GALNTL6: variants seen among roughly 807,000 people sequenced by gnomAD.
The protein encoded by GALNTL6 is polypeptide N-acetylgalactosaminyltransferase-like 6.
A neutral mutation model predicts 73.7 loss-of-function variants in GALNTL6; 46 were observed. The observed-to-expected ratio is 0.62, with a 90% CI of 0.49 to 0.80. The LOEUF (loss-of-function observed/expected upper bound fraction) is 0.80, where lower values mean the gene tolerates loss of function less well. GALNTL6 is among the 30% of genes least tolerant of loss of function. GALNTL6 has a pLI of 0.00. For missense variants in GALNTL6, 604 were observed against 755.0 expected (o/e 0.80, Z 2.34); for synonymous variants, 259 against 263.7 (o/e 0.98, Z 0.17).
At chr4:171,955,039 G>A (rs1739001487) in intron 2 of GALNTL6, among the ~76,000 whole-genome samples, 1 of 152,122 alleles carries the variant, frequency 6.6e-6, no homozygotes. Flanking sequence ...CTTTACAGCA[G>A]TGTGAGAATG....
At chr4:172,821,600 C>T (rs756238151) in intron 7 of GALNTL6, among the ~76,000 whole-genome samples, 3 of 152,154 alleles carry the variant, frequency 2.0e-5, no homozygotes, top group Non-Finnish European at 4.4e-5. Context: ...GAAATGTCAA[C>T]AATGCCAGCT....
At chr4:172,749,668 T>A (rs1737317280) in intron 5 of GALNTL6, among the ~76,000 whole-genome samples, 1 of 151,960 alleles carries the variant, frequency 6.6e-6, no homozygotes, top group Non-Finnish European at 1.5e-5. Flanking sequence ...TGAAATTAAA[T>A]CTTCAATCAT....
rs533963990 is a variant in GALNTL6 at position 172,491,058 on chromosome 4, GA to G, written c.553+142372del. 2.6e-3 allele frequency among the ~76,000 whole-genome samples: 400 copies of G among 151,980 alleles called. 3 individuals are homozygous for G. Among genetic ancestry groups the G allele is most frequent in the African/African-American group, 8.7e-3 (362 of 41,470 alleles). Reference sequence around the variant, plus strand: ...AAAGACAAAAAAAAAACTGCCTTGGGAAATTAACCAAGCTGCTGTTATGGCA... The same window carrying G: ...AAAGACAAAAAAAAAACTGCCTTGGGAATTAACCAAGCTGCTGTTATGGCA... On this transcript the variant is annotated intron_variant, in intron 5 of 12. Coordinates refer to ENST00000506823, the MANE Select transcript of GALNTL6 (RefSeq NM_001034845.3).
chr4:171,950,765 A>G (rs1489421570), intron 2 of GALNTL6, among the ~76,000 whole-genome samples: 1 of 152,184 alleles, frequency 6.6e-6, no homozygotes, highest in Non-Finnish European at 1.5e-5. Context: ...TGTGTGAGCC[A>G]CAACGCCCAG....
chr4:171,844,692 A>C (rs1488056026), intron 2 of GALNTL6, among the ~76,000 whole-genome samples: 2 of 152,158 alleles, frequency 1.3e-5, no homozygotes, highest in African/African-American at 2.4e-5. Context: ...TGGAGAAAGC[A>C]CTTGATTTCT....
chr4:172,283,290 G>T (rs1482855426), intron 3 of GALNTL6, among the ~76,000 whole-genome samples: 1 of 152,106 alleles, frequency 6.6e-6, no homozygotes, highest in Non-Finnish European at 1.5e-5. Context: ...GGGTAATAAA[G>T]ATTTTGCTTT....
At chr4:172,321,813 A>C (rs1740765725) in intron 4 of GALNTL6, among the ~76,000 whole-genome samples, 1 of 152,186 alleles carries the variant, frequency 6.6e-6, no homozygotes, top group Non-Finnish European at 1.5e-5. Flanking sequence ...TCAGGCAACC[A>C]TCATGTGATG....
intron 2 of GALNTL6, among the ~76,000 whole-genome samples, chr4:172,000,548 G>A (rs1023842094): frequency 1.3e-5 from 2 of 152,134 alleles, no homozygotes; most frequent in Non-Finnish European, 2.9e-5. Context: ...TGCCGAAGCA[G>A]GGAAAGGTGG....
At chr4:172,789,165 C>T (rs1036373313) in intron 5 of GALNTL6, among the ~76,000 whole-genome samples, 2 of 152,168 alleles carry the variant, frequency 1.3e-5, no homozygotes, top group Non-Finnish European at 1.5e-5. Context: ...AACTGTGCCC[C>T]GTCTTCCAGA....
intron 2 of GALNTL6, among the ~76,000 whole-genome samples, chr4:172,093,115 G>A (rs546672668): frequency 6.6e-6 from 1 of 151,858 alleles, no homozygotes; most frequent in Non-Finnish European, 1.5e-5. Context: ...CTCGTGATCC[G>A]CCCACCTCAG....
At chr4:172,421,654 C>T (rs1444230958) in intron 5 of GALNTL6, among the ~76,000 whole-genome samples, 1 of 151,726 alleles carries the variant, frequency 6.6e-6, no homozygotes, top group Non-Finnish European at 1.5e-5. Flanking sequence ...CTTTAAATAA[C>T]TCTACATAAG....
At chr4:171,870,253 G>A (rs1736100834) in intron 2 of GALNTL6, among the ~76,000 whole-genome samples, 1 of 152,142 alleles carries the variant, frequency 6.6e-6, no homozygotes, top group South Asian at 2.1e-4. Flanking sequence ...ATGCCTGGAA[G>A]TTTCATGAAT....
At chr4:172,405,237 T>C (rs1744165280) in intron 5 of GALNTL6, among the ~76,000 whole-genome samples, 1 of 151,366 alleles carries the variant, frequency 6.6e-6, no homozygotes, top group Non-Finnish European at 1.5e-5. Context: ...AACTGAGTTC[T>C]CACATTTCCT....
chr4:172,137,468 A>G (rs1395932705), intron 2 of GALNTL6, among the ~76,000 whole-genome samples: 5 of 152,234 alleles, frequency 3.3e-5, no homozygotes, highest in African/African-American at 1.2e-4. Flanking sequence ...AAATTGACTG[A>G]AAGTTTATTT....
chr4:172,961,531 C>A (rs768701512), intron 10 of GALNTL6, among the ~76,000 whole-genome samples: 30 of 152,246 alleles, frequency 2.0e-4, no homozygotes, highest in South Asian at 2.1e-4. Flanking sequence ...GGCATCCCCA[C>A]GTGATTACAC....
chr4:172,321,852 CAAT>C (rs1740767453), intron 4 of GALNTL6, among the ~76,000 whole-genome samples: 1 of 152,056 alleles, frequency 6.6e-6, no homozygotes, highest in Admixed American at 6.6e-5. Flanking sequence ...CTCTCTAAGA[CAAT>C]AATTGGTCAC....
intron 5 of GALNTL6, among the ~76,000 whole-genome samples, chr4:172,636,434 G>T (rs887866420): frequency 6.6e-6 from 1 of 152,128 alleles, no homozygotes; most frequent in Non-Finnish European, 1.5e-5. Flanking sequence ...TTTAGTTAAG[G>T]ATCTTCAGAT....
At chr4:172,514,903 A>G (rs1011303971) in intron 5 of GALNTL6, among the ~76,000 whole-genome samples, 14 of 152,144 alleles carry the variant, frequency 9.2e-5, no homozygotes, top group African/African-American at 3.4e-4. Flanking sequence ...ATGTGTGTTC[A>G]CTGGCAGACT....
chr4:172,219,159 C>A (rs1418756145), intron 2 of GALNTL6, among the ~76,000 whole-genome samples: 1 of 135,330 alleles, frequency 7.4e-6, no homozygotes, highest in Non-Finnish European at 1.6e-5. Context: ...TAATTGATCA[C>A]TTTGCAATCA....
Sources: allele counts gnomAD v4.1 joint callset (sites outside exome capture counted in the v4.1 genomes callset), GRCh38; gene constraint gnomAD v4.1.1; transcripts MANE v1.5; gene names NCBI Gene and HGNC (gene_info 2026-07-23, HGNC 2026-07-21).